The following SULT1A1 variants were observed in gnomAD, a reference collection of about 807,000 sequenced individuals.
SULT1A1 encodes the protein sulfotransferase 1A1.
SULT1A1 carries 35 observed loss-of-function variants against 36.8 expected under a neutral mutation model. That is an observed-to-expected ratio of 0.95 (90% CI 0.73 to 1.26). The LOEUF (loss-of-function observed/expected upper bound fraction) is 1.26, where lower values mean the gene tolerates loss of function less well. SULT1A1 is among the 50% of genes most tolerant of loss of function. The pLI, the probability that SULT1A1 is intolerant of heterozygous loss-of-function variation, is 0.00. For synonymous variants in SULT1A1, 119 were observed against 146.0 expected (o/e 0.82, Z 1.33); for missense variants, 309 against 383.0 (o/e 0.81, Z 1.61).
chr16:28,608,697 T>C lies in SULT1A1; in HGVS notation c.148+11A>G. On this transcript the variant is annotated intron_variant, in intron 2 of 7. Transcript: ENST00000314752. ...CCACCTGGGAGAGGGTGGGTGGCCC[T>C]CCTCACTTACCGGACTTGGGGTAGG... 2 of 1,612,380 alleles carry C rather than the reference T, an allele frequency of 1.2e-6. No homozygotes were observed. Among genetic ancestry groups the C allele is most frequent in the Non-Finnish European group, 1.7e-6 (2 of 1,178,808 alleles).
chr16:28,611,389 A>C (rs1289303209), upstream of SULT1A1: 2 of 152,186 alleles, frequency 1.3e-5, no homozygotes, highest in Non-Finnish European at 2.9e-5. Context: ...TATTTGATGT[A>C]GGTTTCACCT....
chr16:28,617,966 G>A (rs2047578088), intron 2 of SULT1A1, among the ~76,000 whole-genome samples: 1 of 151,862 alleles, frequency 6.6e-6, no homozygotes. Flanking sequence ...AAAACAGTAT[G>A]CAAATATTCC....
chr16:28,617,009 TTTTTTA>T lies in SULT1A1; in HGVS notation c.138+3048_138+3053del, dbSNP rs1490084359. Among the ~76,000 whole-genome samples the T allele has an allele frequency of 7.3e-5, 11 of 151,426 alleles. 1 individual carries two copies. Among genetic ancestry groups the T allele is most frequent in the Admixed American group, 5.3e-4 (8 of 15,186 alleles). On this transcript the variant is annotated intron_variant, in intron 2 of 5. Transcript: ENST00000350842. ...AGTATGTGCCTAACTCCAGATCTTT[TTTTTTA>T]TTTTTTATTTTTTATTTTGAGACAG...
chr16:28,622,375 TCCACAGTCAAGCCCCTGTCCCCCACACC>T (rs1017955052), intron 1 of SULT1A1, among the ~76,000 whole-genome samples: 9 of 152,172 alleles, frequency 5.9e-5, no homozygotes, highest in Admixed American at 5.9e-4. Context: ...AGAGAAGGTT[TCCACAGTCAAGCCCCTGTCCCCCACACC>T]CCAGGCCCGG....
At chr16:28,609,465 A>G (rs1312612195) in intron 1 of SULT1A1, 1 of 1,207,546 alleles carries the variant, frequency 8.3e-7, no homozygotes, top group African/African-American at 1.5e-5. Context: ...AACTCTGATG[A>G]CTCAGCAAAA....
At chr16:28,620,009 G>A in intron 2 of SULT1A1, 1 of 1,447,814 alleles carries the variant, frequency 6.9e-7, no homozygotes, top group Non-Finnish European at 9.7e-7. Context: ...GTGTGTGTGT[G>A]TGTATATACA....
chr16:28,615,765 T>G (rs981792168), intron 2 of SULT1A1, among the ~76,000 whole-genome samples: 2 of 152,154 alleles, frequency 1.3e-5, no homozygotes, highest in African/African-American at 4.8e-5. Context: ...GTGAGTCACC[T>G]CCAATGATAG....
chr16:28,610,319 C>G, upstream of SULT1A1: 2 of 849,776 alleles, frequency 2.4e-6, no homozygotes, highest in Non-Finnish European at 3.1e-6. Flanking sequence ...CCTGACCTGC[C>G]CCTGAACTCC....
Position 28,608,720 on chromosome 16 carries a change from A to G in SULT1A1, c.136T>C (p.Tyr46His). The G allele has an allele frequency of 1.2e-6, 2 of 1,612,890 alleles. No homozygotes were observed. The highest frequency in any genetic ancestry group is 1.7e-6 in the Non-Finnish European group (2 of 1,179,228). The change falls in exon 2 of 8, where the codon TAC becomes CAC. Residue 46 changes from tyrosine to histidine, a missense_variant. Transcript: ENST00000314752. ...ARPDDLLIST[Y>H]PKSGTTWVSQ... ...CCTCCTCACTTACCGGACTTGGGGT[A>G]GGTGCTGATGAGCAGGTCATCAGGC...
At chr16:28,619,872 A>G (rs2047616220) in intron 2 of SULT1A1, among the ~76,000 whole-genome samples, 1 of 151,792 alleles carries the variant, frequency 6.6e-6, no homozygotes, top group Admixed American at 6.6e-5. Flanking sequence ...AACATTTTAA[A>G]TCTTTATAAA....
chr16:28,619,764 A>C (rs1286921515), intron 2 of SULT1A1, among the ~76,000 whole-genome samples: 1 of 95,690 alleles, frequency 1.0e-5, no homozygotes, highest in African/African-American at 3.4e-5. Flanking sequence ...ATATATATAT[A>C]GACACACACA....
At chr16:28,608,225 G>A (rs1194648424) in intron 4 of SULT1A1, 66 bp downstream of exon 4, 20 of 1,593,304 alleles carry the variant, frequency 1.3e-5, no homozygotes, top group Non-Finnish European at 1.5e-5. Flanking sequence ...AACCTCAGGT[G>A]ATCTGCCTGC....
Position 28,606,929 on chromosome 16 carries a change from T to C in SULT1A1, c.499+22A>G, listed in dbSNP as rs2047222649. On this transcript the variant is annotated intron_variant, in intron 5 of 7. Transcript: ENST00000314752. ...GCCACCACCCCTTAGCTCCACACTT[T>C]CCTTCCTCCCATCAAACCCACCTTC... 5.6e-6 allele frequency: 9 copies of C among 1,612,352 alleles called. No individual in the cohort carries two copies. The South Asian group carries it at 8.8e-5, about 16-fold the overall frequency.
At chr16:28,619,825 T>C (rs1194243089) in intron 2 of SULT1A1, among the ~76,000 whole-genome samples, 1 of 151,454 alleles carries the variant, frequency 6.6e-6, no homozygotes, top group Non-Finnish European at 1.5e-5. Flanking sequence ...AATCATCACA[T>C]GTATTCTGAA....
Position 28,606,796 on chromosome 16 carries a change from G to C in SULT1A1, c.559C>G (p.Pro187Ala). ...QEWWELSRTH[P>A]VLYLFYEDMK... ...TCTTCATAGAAGAGGTAGAGAACAG[G>C]GTGGGTGCGGCTCAGCTCCCACCAC... The change falls in exon 6 of 8, where the codon CCT becomes GCT. Residue 187 changes from proline (P) to alanine (A), a missense_variant. Physicochemically the swap from Pro to Ala is conservative, Grantham distance 27. Around this residue, in one of 3 missense-constraint regions of SULT1A1, gnomAD observed 219 missense variants for 215.3 expected, o/e 1.02. Transcript: ENST00000314752. The C allele has an allele frequency of 1.2e-6, 2 of 1,612,482 alleles. No individual in the cohort carries two copies. Among genetic ancestry groups the C allele is most frequent in the Non-Finnish European group, 1.7e-6 (2 of 1,178,686 alleles).
chr16:28,621,048 TGCAGTGA>T (rs2047642237), intron 1 of SULT1A1, among the ~76,000 whole-genome samples: 1 of 151,672 alleles, frequency 6.6e-6, no homozygotes, highest in African/African-American at 2.4e-5. Context: ...AAGTGGAGGT[TGCAGTGA>T]GCTGAGATCG....
rs762954990 is a variant in SULT1A1 at position 28,608,534 on chromosome 16, G to A, written c.218C>T (p.Ala73Val). The A allele has an allele frequency of 6.2e-7, 1 of 1,612,504 alleles. No homozygotes were observed. Among genetic ancestry groups the A allele is most frequent in the Non-Finnish European group, 8.5e-7 (1 of 1,178,716 alleles). The change falls in exon 3 of 8, where the codon GCT becomes GTT. Residue 73 changes from alanine to valine, a missense_variant. Coordinates refer to ENST00000314752, the MANE Select transcript of SULT1A1 (RefSeq NM_001055.4). Reference sequence around the variant, plus strand: ...GAAGGGCACCCGCATGAAGATGGGAGCTCGGTGACACTTCTCCAGGTCACC... The same window carrying A: ...GAAGGGCACCCGCATGAAGATGGGAACTCGGTGACACTTCTCCAGGTCACC... ...QGGDLEKCHRAPIFMRVPFLE... is the reference protein window; with the variant it reads ...QGGDLEKCHRVPIFMRVPFLE...
At chr16:28,620,170 C>CTTTTAAA in intron 1 of SULT1A1, 2 of 1,588,092 alleles carry the variant, frequency 1.3e-6, no homozygotes, top group Non-Finnish European at 1.7e-6. Flanking sequence ...TTAAAAGATT[C>CTTTTAAA]AGTAGAGTAC....
At chr16:28,606,382 TC>T in intron 6 of SULT1A1, 146 bp from the exon 7 acceptor site, 1 of 1,414,038 alleles carries the variant, frequency 7.1e-7, no homozygotes, top group Non-Finnish European at 9.7e-7. Flanking sequence ...AGGGCCCCAG[TC>T]CCGGGGGTAA....
Sources: gnomAD v4.1 joint callset for allele counts (sites outside exome capture counted in the v4.1 genomes callset) on GRCh38, gnomAD v4.1.1 for gene constraint, gnomAD v4.1.1 regional missense constraint, MANE v1.5 for transcripts, NCBI Gene and HGNC (gene_info 2026-07-23, HGNC 2026-07-21) for gene names.